Variants in TAF1D observed in about 807,000 individuals in gnomAD.
TAF1D encodes the protein TATA-box binding protein associated factor, RNA polymerase I subunit D, also known as TATA box-binding protein-associated factor RNA polymerase I subunit D.
In TAF1D, 23 loss-of-function variants were observed where a neutral mutation model predicts 26.2. The ratio of observed to expected loss-of-function variants is 0.88; its 90% confidence interval spans 0.63 to 1.25. TAF1D has a LOEUF of 1.25. Ranked by LOEUF, TAF1D falls within the 50% of genes most tolerant of loss-of-function variation. TAF1D has a pLI of 0.00. For synonymous variants in TAF1D, 100 were observed against 105.6 expected (o/e 0.95, Z 0.33); for missense variants, 299 against 322.0 (o/e 0.93, Z 0.55).
chr11:93,736,812 A>G, intron 4 of TAF1D, 61 bp from the exon 5 acceptor site: 1 of 1,515,430 alleles, frequency 6.6e-7, no homozygotes, highest in South Asian at 1.2e-5. Flanking sequence ...TTAGTTGTAT[A>G]TTCCACTCTG....
At chr11:93,736,573 T>C (rs2135495613) in intron 5 of TAF1D, 121 bp downstream of exon 5, 1 of 1,448,072 alleles carries the variant, frequency 6.9e-7, no homozygotes, top group East Asian at 2.6e-5. Context: ...TTTCCTGCAG[T>C]AAACTTATAG....
downstream of TAF1D, chr11:93,732,439 G>A (rs1271397120): frequency 1.9e-6 from 1 of 519,068 alleles, no homozygotes; most frequent in Non-Finnish European, 3.8e-6. Context: ...AATTTCTATA[G>A]CACTGACCTT....
intron 5 of TAF1D, 130 bp downstream of exon 5, chr11:93,736,564 T>C: frequency 1.4e-6 from 2 of 1,433,188 alleles, no homozygotes; most frequent in African/African-American, 1.5e-5. Flanking sequence ...CTTCTTGCAT[T>C]TCCTGCAGTA....
chr11:93,734,031 G>A (rs1940074065), downstream of TAF1D: 1 of 152,146 alleles, frequency 6.6e-6, no homozygotes, highest in Non-Finnish European at 1.5e-5. Flanking sequence ...ATGAACCAAA[G>A]GAAAAAGATT....
exon 12 of TAF1D, chr11:93,730,314 C>T: frequency 7.8e-7 from 1 of 1,283,952 alleles, no homozygotes; most frequent in Non-Finnish European, 1.1e-6. Context: ...GTATATGTAG[C>T]ATTAGACAAA....
downstream of TAF1D, chr11:93,730,979 A>T (rs1454399676): frequency 2.0e-6 from 1 of 510,118 alleles, no homozygotes. Flanking sequence ...ACAGTTAATC[A>T]ACTGTTCCCA....
rs1325055299 is a variant in TAF1D at position 93,737,207 on chromosome 11, AAT to A, written c.490_491del (p.Ile164Ter). 2.5e-6 allele frequency: 4 copies of A among 1,605,614 alleles called. No individual in the cohort carries two copies. Among genetic ancestry groups the A allele is most frequent in the Admixed American group, 3.4e-5 (2 of 58,292 alleles). On this transcript the variant is annotated frameshift_variant, in exon 4 of 6. Coordinates refer to ENST00000448108, the MANE Select transcript of TAF1D (RefSeq NM_024116.4). LOFTEE classifies it high-confidence loss of function. ...GGTGGTGTTCATACTTCAGTTTTTC[AAT>A]ATAGTTAAAAAATCCTCTTGCAACA... ...QAVARGFFNY[I>X]EKLKYEHHLK...
chr11:93,740,168 A>C (rs1941599681), intron 1 of TAF1D, among the ~76,000 whole-genome samples: 1 of 151,800 alleles, frequency 6.6e-6, no homozygotes. Flanking sequence ...AATTAGCCAG[A>C]ATAGTGGCGC....
intron 3 of TAF1D, 80 bp downstream of exon 3, chr11:93,738,029 G>C (rs1941160985): frequency 1.4e-6 from 2 of 1,474,540 alleles, no homozygotes; most frequent in Non-Finnish European, 1.8e-6. Context: ...CAGTATATCT[G>C]AGACAATTCT....
At chr11:93,739,442 T>TAC in intron 1 of TAF1D, 111 bp from the exon 2 acceptor site, 1 of 625,938 alleles carries the variant, frequency 1.6e-6, no homozygotes, top group Non-Finnish European at 2.7e-6. Context: ...CGAAATCATT[T>TAC]ACCAAGGTTA....
At position 93,738,284 on chromosome 11, in the gene TAF1D, T is replaced by C; in HGVS notation, c.284A>G (p.Lys95Arg). ...TCCTGTTGGCTGGTACCTCCTCTTT[T>C]TCTTTTTTTTATATCTCTTTTTCCT... ...KNRKKRYKKK[K>R]KRRYQPTGRP... The change falls in exon 3 of 6, where the codon AAA becomes AGA. Residue 95 changes from lysine to arginine, a missense_variant. Physicochemically the swap from Lys to Arg is conservative, Grantham distance 26. Transcript: ENST00000448108. The C allele has an allele frequency of 1.2e-6, 2 of 1,609,432 alleles. No homozygotes were observed. Among genetic ancestry groups the C allele is most frequent in the Non-Finnish European group, 1.7e-6 (2 of 1,178,972 alleles).
At position 93,736,213 on chromosome 11, in the gene TAF1D, T is replaced by G; in HGVS notation, c.785A>C (p.Lys262Thr). The change falls in exon 6 of 6, where the codon AAA becomes ACA. Residue 262 changes from lysine (K) to threonine (T), a missense_variant. Physicochemically the swap from Lys to Thr is moderately conservative, Grantham distance 78 (BLOSUM62 -1). Transcript: ENST00000448108. ...ATTTTTGGCTTTTGTAGCTCTCTTT[T>G]TAGACAAAGCAGCTTCTTCAGTAAT... ...EDITEEAALS[K>T]KRATKAKNTG... 1 of 1,613,704 alleles carries G rather than the reference T, an allele frequency of 6.2e-7. No individual in the cohort carries two copies. Among genetic ancestry groups the G allele is most frequent in the Non-Finnish European group, 8.5e-7 (1 of 1,179,830 alleles).
intron 1 of TAF1D, among the ~76,000 whole-genome samples, chr11:93,739,961 CAA>C (rs67574108): frequency 6.1e-5 from 5 of 82,420 alleles, no homozygotes; most frequent in African/African-American, 2.1e-4. Flanking sequence ...TACAACATAC[CAA>C]AAAAAAAAAA....
exon 12 of TAF1D, chr11:93,730,283 G>A (rs1480866202): frequency 6.6e-7 from 1 of 1,524,452 alleles, no homozygotes; most frequent in East Asian, 2.5e-5. Flanking sequence ...TCTAGAAATA[G>A]TGTAAAGGTT....
chr11:93,740,433 GAAAAAAAAAAAAAAAA>G (rs59420824), intron 1 of TAF1D, among the ~76,000 whole-genome samples: 25 of 48,432 alleles, frequency 5.2e-4, no homozygotes, highest in African/African-American at 1.0e-3. Context: ...CCTGTCTCAG[GAAAAAAAAAAAAAAAA>G]AAAAAAAAAA....
chr11:93,732,107 A>G (rs767156634), downstream of TAF1D: 20 of 518,882 alleles, frequency 3.9e-5, no homozygotes, highest in Admixed American at 5.8e-5. Flanking sequence ...ACCATGATCA[A>G]CAGTGCCCAT....
At chr11:93,732,843 G>A (rs140306234), downstream of TAF1D, 1,244 of 232,196 alleles carry the variant, frequency 5.4e-3, 7 homozygotes, top group Middle Eastern at 0.014. Context: ...ACAGGTTTAC[G>A]TGACTTTAGG....
intron 3 of TAF1D, 149 bp from the exon 4 acceptor site, chr11:93,737,388 GATT>G (rs1329982849): frequency 1.7e-5 from 8 of 482,254 alleles, no homozygotes; most frequent in African/African-American, 1.6e-4. Context: ...ATCAAATGCT[GATT>G]ATTAAAATTC....
chr11:93,738,093 T>C lies in TAF1D; in HGVS notation c.459+16A>G, dbSNP rs931952318. ...CTTGAGTTATGTGTAGCCATGTATG[T>C]AAAATGCTGACTCACCTCAAACGTT... is the stretch of plus-strand genomic sequence containing the variant. On this transcript the variant is annotated intron_variant, in intron 3 of 5. Transcript: ENST00000448108. 4.6e-6 allele frequency: 7 copies of C among 1,534,850 alleles called. No homozygotes were observed. The highest frequency in any genetic ancestry group is 6.1e-6 in the Non-Finnish European group (7 of 1,150,102).
Sources: gnomAD v4.1 joint callset for allele counts (sites outside exome capture counted in the v4.1 genomes callset) on GRCh38, gnomAD v4.1.1 for gene constraint, MANE v1.5 for transcripts, NCBI Gene and HGNC (gene_info 2026-07-23, HGNC 2026-07-21) for gene names.